The following DOCK3 variants were observed in gnomAD, a reference collection of about 807,000 sequenced individuals.
DOCK3 encodes the protein dedicator of cytokinesis protein 3.
A neutral mutation model predicts 265.6 loss-of-function variants in DOCK3; 60 were observed. The ratio of observed to expected loss-of-function variants is 0.23; its 90% CI spans 0.18 to 0.28. DOCK3 has a LOEUF of 0.28. Ranked by LOEUF, DOCK3 falls within the 10% of genes least tolerant of loss-of-function variation. The probability of loss-of-function intolerance (pLI) is 1.00; values close to 1 mark genes in which losing one functional copy is unlikely to be tolerated. For synonymous variants in DOCK3, 881 were observed against 938.0 expected, an observed-to-expected ratio of 0.94 and a Z score of 1.11; for missense variants, 1,981 against 2,594.3, an observed-to-expected ratio of 0.76 and a Z score of 5.14.
chr3:50,741,943 C>T lies in DOCK3; in HGVS notation c.38-36732C>T, dbSNP rs1330590476. On this transcript the variant is annotated intron_variant, in intron 1 of 52. Coordinates refer to ENST00000266037, the MANE Select transcript of DOCK3 (RefSeq NM_004947.5). ...ACATCCTCTCCAGCACCTGTTGTTT[C>T]CTGACTTTTTAATGATTGCCATTCT... Among the ~76,000 whole-genome samples, 14 of 152,216 alleles carry T rather than the reference C, an allele frequency of 9.2e-5. No individual in the cohort carries two copies. In the South Asian group the frequency reaches 1.7e-3, roughly 18 times the overall value.
chr3:51,176,788 A>C (rs1222357409), intron 12 of DOCK3, among the ~76,000 whole-genome samples: 1 of 152,204 alleles, frequency 6.6e-6, no homozygotes, highest in Non-Finnish European at 1.5e-5. Flanking sequence ...GAATCAAATA[A>C]GAAAGAGATG....
At chr3:51,328,534 T>C (rs764027786) in intron 32 of DOCK3, among the ~76,000 whole-genome samples, 1 of 151,938 alleles carries the variant, frequency 6.6e-6, no homozygotes, top group East Asian at 1.9e-4. Flanking sequence ...TCTCAGACTT[T>C]CTGTTTCTTC....
At chr3:50,981,839 TTTTTATTTA>T (rs1000493922) in intron 5 of DOCK3, among the ~76,000 whole-genome samples, 17 of 152,078 alleles carry the variant, frequency 1.1e-4, no homozygotes, top group Non-Finnish European at 2.2e-4. Flanking sequence ...TATGTTTTGT[TTTTTATTTA>T]TTTTATTTAT....
chr3:50,796,395 A>G (rs181797148), intron 2 of DOCK3, among the ~76,000 whole-genome samples: 19 of 131,568 alleles, frequency 1.4e-4, no homozygotes, highest in African/African-American at 4.3e-4. Context: ...CTGGGGTGCA[A>G]TGGTGCAATC....
intron 4 of DOCK3, among the ~76,000 whole-genome samples, chr3:50,919,047 G>T (rs2050287942): frequency 6.6e-6 from 1 of 152,076 alleles, no homozygotes; most frequent in African/African-American, 2.4e-5. Flanking sequence ...TTTTTGTCAG[G>T]TTTGTCAAGG....
At chr3:51,305,037 TTTG>T (rs2082576773) in intron 27 of DOCK3, among the ~76,000 whole-genome samples, 1 of 152,242 alleles carries the variant, frequency 6.6e-6, no homozygotes, top group Non-Finnish European at 1.5e-5. Context: ...ACGTGTGTAT[TTTG>T]TTGTTAGATG....
rs1160844729 is a variant in DOCK3, at chr3:51,227,335, T to G, written c.1430T>G (p.Phe477Cys). 6.2e-7 allele frequency: 1 copy of G among 1,613,864 alleles called. No homozygotes were observed. The highest frequency in any genetic ancestry group is 8.5e-7 in the Non-Finnish European group (1 of 1,179,892). Residue 477 changes from phenylalanine (F) to cysteine (C), a missense_variant, in exon 16 of 53, where the codon TTT becomes TGT. Around this residue, in one of 4 missense-constraint regions of DOCK3, gnomAD observed 1,357 missense variants for 1,866.8 expected, o/e 0.73. Coordinates refer to ENST00000266037, the MANE Select transcript of DOCK3 (RefSeq NM_004947.5). ...GEPNRSSYHS[F>C]VLYHSNSPRW... is the part of the protein sequence containing the mutation. ...CCAAATAGGAGTTCCTACCACTCCT[T>G]TGTCCTCTACCACAGTAATAGTCCT... is the stretch of plus-strand genomic sequence containing the variant.
At chr3:51,051,262 GT>G (rs1157453506) in intron 5 of DOCK3, among the ~76,000 whole-genome samples, 58 of 152,254 alleles carry the variant, frequency 3.8e-4, no homozygotes, top group Non-Finnish European at 1.2e-4. Context: ...CCTGTAAGAA[GT>G]TGAAAAGGAT....
chr3:50,831,619 C>A (rs2045179470), intron 2 of DOCK3, among the ~76,000 whole-genome samples: 3 of 152,076 alleles, frequency 2.0e-5, no homozygotes, highest in Admixed American at 2.0e-4. Context: ...TTTCTTTATC[C>A]AGTTTATCAT....
At chr3:51,066,701 A>T (rs763283904) in intron 6 of DOCK3, among the ~76,000 whole-genome samples, 5 of 152,226 alleles carry the variant, frequency 3.3e-5, no homozygotes, top group Non-Finnish European at 5.9e-5. Flanking sequence ...ATCAGGAAAG[A>T]GGAAACATGG....
At chr3:51,057,003 T>C (rs1326760864) in intron 5 of DOCK3, among the ~76,000 whole-genome samples, 1 of 152,226 alleles carries the variant, frequency 6.6e-6, no homozygotes, top group Admixed American at 6.5e-5. Flanking sequence ...TATGATGCTG[T>C]GTTTATATTA....
intron 3 of DOCK3, among the ~76,000 whole-genome samples, chr3:50,868,149 C>G (rs1237950851): frequency 6.6e-6 from 1 of 151,672 alleles, no homozygotes; most frequent in Non-Finnish European, 1.5e-5. Context: ...TCTTGGCTCA[C>G]TACAACCTCC....
At chr3:51,350,548 A>G (rs1293731516) in intron 40 of DOCK3, among the ~76,000 whole-genome samples, 156 bp downstream of exon 40, 1 of 152,206 alleles carries the variant, frequency 6.6e-6, no homozygotes, top group Non-Finnish European at 1.5e-5. Context: ...ATTTGACTGG[A>G]CTGGCTGCCA....
chr3:51,016,714 CA>C lies in DOCK3; in HGVS notation c.316-47732del, dbSNP rs2079303975. 1.5e-4 allele frequency among the ~76,000 whole-genome samples: 10 copies of C among 67,384 alleles called. 1 individual carries two copies. The highest frequency in any genetic ancestry group is 4.7e-4 in the South Asian group (1 of 2,124). The allele number at this position is 67,384 out of a possible 152,430, so 44.2% of individuals were successfully genotyped here. A position where few individuals can be genotyped will look rare whatever the true frequency, so the allele number is the denominator to read the frequency against. ...TAATATATAAATATATATTATATAT[CA>C]ATATAATATATATGATACATATTAT... On this transcript the variant is annotated intron_variant, in intron 5 of 52. Transcript: ENST00000266037.
At chr3:51,206,253 A>G (rs755477224) in intron 12 of DOCK3, among the ~76,000 whole-genome samples, 1 of 152,236 alleles carries the variant, frequency 6.6e-6, no homozygotes, top group Non-Finnish European at 1.5e-5. Context: ...AGAAATAACC[A>G]ATTGACCTTG....
At chr3:51,183,572 G>T (rs2087424286) in intron 12 of DOCK3, among the ~76,000 whole-genome samples, 1 of 152,094 alleles carries the variant, frequency 6.6e-6, no homozygotes, top group Admixed American at 6.6e-5. Flanking sequence ...TTAATATTCT[G>T]CAATTAAAGA....
chr3:50,707,786 G>T (rs2036510625), intron 1 of DOCK3, among the ~76,000 whole-genome samples: 1 of 152,092 alleles, frequency 6.6e-6, no homozygotes, highest in Non-Finnish European at 1.5e-5. Flanking sequence ...GCATGATGTT[G>T]GTGGTGGCAG....
At chr3:50,854,292 A>G (rs2046473784) in intron 3 of DOCK3, among the ~76,000 whole-genome samples, 1 of 152,014 alleles carries the variant, frequency 6.6e-6, no homozygotes, top group Non-Finnish European at 1.5e-5. Context: ...TTTGTTGTGT[A>G]GAAGCTATTT....
intron 5 of DOCK3, among the ~76,000 whole-genome samples, chr3:50,963,109 C>T (rs1364794968): frequency 2.0e-5 from 3 of 152,176 alleles, no homozygotes; most frequent in African/African-American, 7.2e-5. Flanking sequence ...TGCTTGAACC[C>T]AGGAGGTGGA....
Sources: gnomAD v4.1 joint callset for allele counts (sites outside exome capture counted in the v4.1 genomes callset) on GRCh38, gnomAD v4.1.1 for gene constraint, gnomAD v4.1.1 regional missense constraint, MANE v1.5 for transcripts, NCBI Gene and HGNC (gene_info 2026-07-23, HGNC 2026-07-21) for gene names.